The following FGFR3 variants were observed in gnomAD, a reference collection of about 807,000 sequenced individuals.
FGFR3 encodes FGFR-3.
Under a neutral mutation model 82.9 loss-of-function variants are expected in FGFR3, and 25 were observed. The ratio of observed to expected loss-of-function variants is 0.30; its 90% CI spans 0.22 to 0.42. FGFR3 has a LOEUF of 0.42. FGFR3 is among the 10% of genes least tolerant of loss of function. FGFR3 has a pLI of 1.00. For synonymous variants in FGFR3, 620 were observed against 516.0 expected, an observed-to-expected ratio of 1.20 and a Z score of -2.73; for missense variants, 1,026 against 1,161.0, an observed-to-expected ratio of 0.88 and a Z score of 1.69.
In FGFR3 at chr4:1,798,259, C is replaced by A. The variant is rs976618173; in HGVS notation, c.110-995C>A. 2.0e-5 allele frequency among the ~76,000 whole-genome samples: 3 copies of A among 151,850 alleles called. No individual in the cohort carries two copies. In the South Asian group the frequency reaches 6.2e-4, roughly 32 times the overall value. On this transcript the variant is annotated intron_variant, in intron 2 of 17. Coordinates refer to ENST00000440486, the MANE Select transcript of FGFR3 (RefSeq NM_000142.5). The stretch of plus-strand genomic sequence containing the variant: ...CTCAGCCCCCAGGGAGGGGCCAGGG[C>A]TGCTGACCTGCCCTGGCTCTCACAG...
chr4:1,795,799 G>T (rs1229336285), intron 2 of FGFR3, among the ~76,000 whole-genome samples: 1 of 152,208 alleles, frequency 6.6e-6, no homozygotes, highest in Admixed American at 6.5e-5. Context: ...CCCAGCAGGG[G>T]TCTGGGGGTG....
chr4:1,801,804 G>A lies in FGFR3; in HGVS notation c.740-31G>A, dbSNP rs549769082. On this transcript the variant is annotated intron_variant, in intron 6 of 17. Transcript: ENST00000440486. Reference sequence around the variant, plus strand: ...CAGTGGCGGTGGTGGTGAGGGAGGGGGTGGCCCCTGAGCGTCATCTGCCCC... The same window carrying A: ...CAGTGGCGGTGGTGGTGAGGGAGGGAGTGGCCCCTGAGCGTCATCTGCCCC... 6.9e-6 allele frequency: 11 copies of A among 1,599,690 alleles called. No homozygotes were observed. The East Asian group carries it at 2.0e-4, about 29-fold the overall frequency.
chr4:1,804,315 C>T lies in FGFR3; in HGVS notation c.1076-15C>T, dbSNP rs1212697785. The T allele has an allele frequency of 6.3e-7, 1 of 1,592,316 alleles. No homozygotes were observed. Among genetic ancestry groups the T allele is most frequent in the Admixed American group, 1.7e-5 (1 of 58,882 alleles). ...GGGGGGGCCAGGCCAGGCCTCAACG[C>T]CCATGTCTTTGCAGCCGAGGAGGAG... On this transcript the variant is annotated splice_polypyrimidine_tract_variant and intron_variant, in intron 8 of 17. Transcript: ENST00000440486.
At chr4:1,803,255 G>T in intron 7 of FGFR3, 1 of 694,764 alleles carries the variant, frequency 1.4e-6, no homozygotes, top group Non-Finnish European at 2.1e-6. Flanking sequence ...TGTGGCCTGC[G>T]CCGACCCTTC....
chr4:1,798,234 C>T (rs1283256331), intron 2 of FGFR3, among the ~76,000 whole-genome samples: 1 of 151,988 alleles, frequency 6.6e-6, no homozygotes, highest in Non-Finnish European at 1.5e-5. Context: ...ACCCCAGCTT[C>T]TCAGCCCCCA....
intron 2 of FGFR3, among the ~76,000 whole-genome samples, chr4:1,795,306 C>T (rs1026191902): frequency 8.5e-5 from 13 of 152,156 alleles, no homozygotes; most frequent in Admixed American, 2.6e-4. Flanking sequence ...ATATTACTCC[C>T]TACGGCCCGG....
At chr4:1,802,892 G>C in intron 7 of FGFR3, 2 of 1,576,444 alleles carry the variant, frequency 1.3e-6, no homozygotes, top group Non-Finnish European at 1.7e-6. Flanking sequence ...GCGTGCCTGA[G>C]CCGGGTCTCT....
At position 1,807,558 on chromosome 4, in the gene FGFR3, G is replaced by C; in HGVS notation, c.*296G>C. On this transcript the variant is annotated 3_prime_UTR_variant, in exon 18 of 18. Coordinates refer to ENST00000440486, the MANE Select transcript of FGFR3 (RefSeq NM_000142.5). ...CTTTGTTCTGGGGGGACCCAGTGCA[G>C]AATGTAAGTGGGCCCACCCGGTGGG... 1.4e-6 allele frequency: 1 copy of C among 709,352 alleles called. No homozygotes were observed. The allele number at this position is 709,352 out of a possible 1,614,324, so 43.9% of individuals were successfully genotyped here. A position where few individuals can be genotyped will look rare whatever the true frequency, so the allele number is the denominator to read the frequency against.
chr4:1,799,362 T>C lies in FGFR3; in HGVS notation c.218T>C (p.Val73Ala), dbSNP rs1200851427. ...PPGGGPMGPT[V>A]WVKDGTGLVP... ...GGGGGTGGTCCCATGGGGCCCACTG[T>C]CTGGGTCAAGGATGGCACAGGGCTG... is the stretch of plus-strand genomic sequence containing the variant. The change falls in exon 3 of 18, where the codon GTC becomes GCC. Residue 73 changes from valine (V) to alanine (A), a missense_variant. By Grantham distance (64) the Val-to-Ala change is moderately conservative. Coordinates refer to ENST00000440486, the MANE Select transcript of FGFR3 (RefSeq NM_000142.5). 2.5e-6 allele frequency: 4 copies of C among 1,612,578 alleles called. No individual in the cohort carries two copies. Among genetic ancestry groups the C allele is most frequent in the Non-Finnish European group, 3.4e-6 (4 of 1,179,890 alleles).
chr4:1,799,223 C>T (rs758497991), intron 2 of FGFR3, 31 bp from the exon 3 acceptor site: 1 of 1,611,430 alleles, frequency 6.2e-7, no homozygotes, highest in Admixed American at 1.7e-5. Context: ...TTTGGGGGTG[C>T]CTGCCTCATG....
Position 1,801,637 on chromosome 4 carries a change from G to A in FGFR3, c.633G>A (p.Trp211Ter), listed in dbSNP as rs369033272. The A allele has an allele frequency of 5.6e-6, 9 of 1,610,726 alleles. No individual in the cohort carries two copies. Among genetic ancestry groups the A allele is most frequent in the African/African-American group, 2.7e-5 (2 of 74,904 alleles). Residue 211 changes from tryptophan (W) to a stop codon, truncating the protein, a stop_gained, in exon 6 of 18, where the codon TGG becomes TGA. Transcript: ENST00000440486. LOFTEE classifies it high-confidence loss of function. ...CGGTGCAGCTGCGGCATCAGCAGTG[G>A]AGCCTGGTCATGGAAAGCGTGGTGC... ...IGGIKLRHQQ[W>*]SLVMESVVPS...
intron 7 of FGFR3, chr4:1,803,114 C>T (rs1423105510): frequency 6.7e-7 from 1 of 1,489,482 alleles, no homozygotes; most frequent in Non-Finnish European, 8.9e-7. Context: ...AGCTCCAAGG[C>T]CCTGGCCGCG....
rs1202443823 is a variant in FGFR3, at chr4:1,793,302, T to TGGC, written c.-258_-256dup. 2 of 144,908 alleles carry TGGC rather than the reference T, an allele frequency of 1.4e-5. No individual in the cohort carries two copies. Among genetic ancestry groups the TGGC allele is most frequent in the Admixed American group, 6.8e-5 (1 of 14,686 alleles). 9.0% of individuals were successfully genotyped at this position (144,908 alleles called of 1,614,324 possible). Reference sequence around the variant, plus strand: ...GGGGCAGCCCAGGCTCAGTGCGCGGTGGCGGCGGCGTCGCGGGCAGCTGGC... The same window carrying TGGC: ...GGGGCAGCCCAGGCTCAGTGCGCGGTGGCGGCGGCGGCGTCGCGGGCAGCTGGC... On this transcript the variant is annotated 5_prime_UTR_variant, in exon 1 of 18. Coordinates refer to ENST00000440486, the MANE Select transcript of FGFR3 (RefSeq NM_000142.5).
At chr4:1,801,160 G>A (rs2108779326) in intron 4 of FGFR3, among the ~76,000 whole-genome samples, 1 of 152,358 alleles carries the variant, frequency 6.6e-6, no homozygotes, top group Admixed American at 6.5e-5. Context: ...CTGGAGGGGA[G>A]GGGAGGGGAC....
chr4:1,803,709 C>G lies in FGFR3; in HGVS notation c.948C>G (p.Thr316=). 1 of 1,613,846 alleles carries G rather than the reference C, an allele frequency of 6.2e-7. No homozygotes were observed. The highest frequency in any genetic ancestry group is 1.6e-4 in the Middle Eastern group (1 of 6,062). Residue 316 remains threonine, a synonymous_variant, in exon 8 of 18, where the codon ACC becomes ACG. Transcript: ENST00000440486. The part of the protein sequence containing the change: ...VTVLKTAGAN[T]TDKELEVLSL... ...CTTTGTAGACGGCGGGCGCTAACACCACCGACAAGGAGCTAGAGGTTCTCT... is the reference window on the plus strand; with the variant it reads ...CTTTGTAGACGGCGGGCGCTAACACGACCGACAAGGAGCTAGAGGTTCTCT...
intron 15 of FGFR3, 60 bp downstream of exon 15, chr4:1,806,387 AC>A: frequency 6.2e-7 from 1 of 1,606,426 alleles, no homozygotes; most frequent in Non-Finnish European, 8.5e-7. Context: ...CAGAGCCAGG[AC>A]CCCAGCTGCA....
intron 16 of FGFR3, 38 bp from the exon 17 acceptor site, chr4:1,806,791 G>A (rs1383981682): frequency 1.9e-6 from 3 of 1,591,974 alleles, no homozygotes; most frequent in South Asian, 1.1e-5. Context: ...AATAAGGCGG[G>A]AAGCGGCGGG....
Position 1,806,461 on chromosome 4 carries a change from C to T in FGFR3, c.2031-85C>T, listed in dbSNP as rs906285403. 2.9e-5 allele frequency: 46 copies of T among 1,604,204 alleles called. No individual in the cohort carries two copies. The African/African-American group carries it at 4.8e-4, about 17-fold the overall frequency. ...TTCTACCCCTCCCTGGGGGCAGCAG[C>T]GCAGCCCTGGCCTATTCCCCTGGTG... is the stretch of plus-strand genomic sequence containing the variant. On this transcript the variant is annotated intron_variant, in intron 15 of 17. Transcript: ENST00000440486.
In FGFR3 at chr4:1,802,035, C is replaced by T. The variant is rs534857289; in HGVS notation, c.930+10C>T. On this transcript the variant is annotated intron_variant, in intron 7 of 17. Transcript: ENST00000440486. ...CGTTACCGTGCTCAAGGTGGGCCAC[C>T]GTGTGCACGTGGGTGCCGCCGCTGG... 1.1e-4 allele frequency: 169 copies of T among 1,608,328 alleles called. No individual in the cohort carries two copies. The highest frequency in any genetic ancestry group is 8.0e-4 in the Admixed American group (48 of 59,640).
Sources: allele counts gnomAD v4.1 joint callset (sites outside exome capture counted in the v4.1 genomes callset), GRCh38; gene constraint gnomAD v4.1.1; transcripts MANE v1.5; gene names NCBI Gene and HGNC (gene_info 2026-07-23, HGNC 2026-07-21).